Variants in PTPRN2 observed in about 807,000 individuals in gnomAD.
PTPRN2 encodes the protein receptor-type tyrosine-protein phosphatase N2.
In PTPRN2, 74 loss-of-function variants were observed where a neutral mutation model predicts 118.8. The ratio of observed to expected loss-of-function variants is 0.62; its 90% CI spans 0.52 to 0.76. The LOEUF is 0.76. Among genes scored for constraint, PTPRN2 ranks in the 30% least tolerant of loss-of-function variants. The pLI is 0.00. For synonymous variants in PTPRN2, 641 were observed against 608.0 expected (o/e 1.05, Z -0.80); for missense variants, 1,481 against 1,394.4 (o/e 1.06, Z -0.99).
intron 1 of PTPRN2, among the ~76,000 whole-genome samples, chr7:158,578,637 G>A (rs1398118807): frequency 1.3e-5 from 2 of 151,800 alleles, no homozygotes; most frequent in Non-Finnish European, 2.9e-5. Flanking sequence ...TGATGATCCT[G>A]TCACCCAAAC....
rs1296892277 is a variant in PTPRN2 at position 157,734,165 on chromosome 7, T to C, written c.1789-51228A>G. On this transcript the variant is annotated intron_variant, in intron 12 of 22. Transcript: ENST00000389418. ...CAGGCGCCCAGCACAGTTACTCTTT[T>C]CCACCCCATGCACCCAGCACAGTTA... Among the ~76,000 whole-genome samples the C allele has an allele frequency of 9.5e-5, 10 of 104,980 alleles. 2 individuals are homozygous for C. Among genetic ancestry groups the C allele is most frequent in the African/African-American group, 1.3e-4 (3 of 22,924 alleles). 68.9% of individuals were successfully genotyped at this position (104,980 alleles called of 152,430 possible).
At chr7:157,540,889 ACGCAGCATCAGCTCCCCGGGCCAT>A in intron 22 of PTPRN2, 104 bp from the exon 23 acceptor site, 1 of 883,150 alleles carries the variant, frequency 1.1e-6, no homozygotes. Flanking sequence ...CCCCTTCCCA[ACGCAGCATCAGCTCCCCGGGCCAT>A]TTCGCAGAAA....
At position 158,188,003 on chromosome 7, in the gene PTPRN2, G is replaced by A. The variant is rs111896147; in HGVS notation, c.549+4324C>T. Among the ~76,000 whole-genome samples the A allele has an allele frequency of 1.3e-3, 202 of 152,242 alleles. 1 individual carries two copies. The highest frequency in any genetic ancestry group is 4.6e-3 in the African/African-American group (189 of 41,538). On this transcript the variant is annotated intron_variant, in intron 5 of 22. Transcript: ENST00000389418. ...CTTGAAATGGAGAGCAGGCAAGATG[G>A]GGGCAGTGGTGGAAGATGCTCCTCC...
chr7:158,128,004 G>T (rs1224778598), intron 9 of PTPRN2, among the ~76,000 whole-genome samples: 1 of 152,126 alleles, frequency 6.6e-6, no homozygotes, highest in Non-Finnish European at 1.5e-5. Flanking sequence ...TGGAAAAGCC[G>T]AGCCCTACCA....
chr7:158,251,787 T>C (rs1314753673), intron 3 of PTPRN2, among the ~76,000 whole-genome samples: 1 of 152,068 alleles, frequency 6.6e-6, no homozygotes, highest in Non-Finnish European at 1.5e-5. Flanking sequence ...TGTGTCCCCC[T>C]CATTACCTCA....
At chr7:158,190,044 T>A (rs544709601) in intron 5 of PTPRN2, among the ~76,000 whole-genome samples, 112 of 152,400 alleles carry the variant, frequency 7.3e-4, no homozygotes, top group African/African-American at 2.6e-3. Context: ...AGACCTCCAC[T>A]GAGCCTGGTT....
At chr7:158,457,113 C>A (rs1049433583) in intron 2 of PTPRN2, among the ~76,000 whole-genome samples, 9 of 152,188 alleles carry the variant, frequency 5.9e-5, no homozygotes, top group Admixed American at 3.9e-4. Context: ...TACGTCTACA[C>A]AGCAATGGCG....
intron 2 of PTPRN2, among the ~76,000 whole-genome samples, chr7:158,446,001 T>C (rs1466629095): frequency 6.6e-6 from 1 of 151,904 alleles, no homozygotes; most frequent in African/African-American, 2.4e-5. Flanking sequence ...GGCGCCCAGG[T>C]GAGCCTTCGG....
chr7:158,277,109 GCACA>G (rs373983324), intron 3 of PTPRN2, among the ~76,000 whole-genome samples: 10 of 148,268 alleles, frequency 6.7e-5, no homozygotes, highest in East Asian at 3.9e-4. Context: ...TCACACACGT[GCACA>G]CACACACACA....
chr7:158,485,584 TCCTGCTCGGCCACCCCTCTCTGCGCCCCG>T, intron 2 of PTPRN2, among the ~76,000 whole-genome samples: 1 of 80,316 alleles, frequency 1.2e-5, no homozygotes, highest in African/African-American at 4.8e-5. Flanking sequence ...TCTGCGCCCC[TCCTGCTCGGCCACCCCTCTCTGCGCCCCG>T]CCTGCTCGGC....
At chr7:158,156,396 C>T (rs188218608) in intron 6 of PTPRN2, among the ~76,000 whole-genome samples, 157 of 152,280 alleles carry the variant, frequency 1.0e-3, no homozygotes, top group Admixed American at 6.3e-3. Context: ...AACTGACGGA[C>T]GACAGGTAAC....
At chr7:158,327,540 C>T (rs910305198) in intron 2 of PTPRN2, among the ~76,000 whole-genome samples, 2 of 151,678 alleles carry the variant, frequency 1.3e-5, no homozygotes, top group Non-Finnish European at 2.9e-5. Flanking sequence ...TGCACATGTA[C>T]ACACTATCTG....
At chr7:158,280,069 C>G (rs1351748431) in intron 3 of PTPRN2, among the ~76,000 whole-genome samples, 8 of 152,138 alleles carry the variant, frequency 5.3e-5, no homozygotes, top group Non-Finnish European at 5.9e-5. Context: ...CAAACTGCAC[C>G]AAGACACAGC....
chr7:158,058,440 A>G (rs1349777154), intron 11 of PTPRN2, among the ~76,000 whole-genome samples: 9 of 109,782 alleles, frequency 8.2e-5, no homozygotes, highest in Non-Finnish European at 1.1e-4. Context: ...CCACGGTGAG[A>G]CATCACTGCA....
At chr7:157,667,073 A>G in intron 13 of PTPRN2, among the ~76,000 whole-genome samples, 1 of 104,274 alleles carries the variant, frequency 9.6e-6, no homozygotes, top group East Asian at 2.3e-4. Context: ...TGCAACGAGT[A>G]CACAGCCTGG....
rs1800313780 is a variant in PTPRN2, at chr7:157,944,071, C to T, written c.1724-45334G>A. 6.6e-6 allele frequency among the ~76,000 whole-genome samples: 1 copy of T among 152,208 alleles called. No individual in the cohort carries two copies. The highest frequency in any genetic ancestry group is 1.9e-4 in the East Asian group (1 of 5,200). ...GAGCACTGGGCTTCATTTGACATTT[C>T]CAGTAAGTATCAAAAGCTGCTATCA... On this transcript the variant is annotated intron_variant, in intron 11 of 22. Coordinates refer to ENST00000389418, the MANE Select transcript of PTPRN2 (RefSeq NM_002847.5). This position sits in a 1 kb window ranked among gnomAD's most constrained non-coding sequence, Gnocchi z 4.3.
chr7:158,390,074 C>T (rs961640018), intron 2 of PTPRN2, among the ~76,000 whole-genome samples: 4 of 152,236 alleles, frequency 2.6e-5, no homozygotes, highest in Non-Finnish European at 4.4e-5. Context: ...TACTCAGCTG[C>T]GTTTATTCAA....
intron 2 of PTPRN2, among the ~76,000 whole-genome samples, chr7:158,359,034 GGACTAT>G (rs989092259): frequency 1.3e-5 from 2 of 152,166 alleles, no homozygotes; most frequent in African/African-American, 4.8e-5. Flanking sequence ...TAAGGAGTCT[GGACTAT>G]GAGGTTGATG....
chr7:157,890,041 G>A (rs1198908965), intron 12 of PTPRN2, among the ~76,000 whole-genome samples: 1 of 151,168 alleles, frequency 6.6e-6, no homozygotes, highest in African/African-American at 2.4e-5. Flanking sequence ...TTAATGATGA[G>A]TTACCTTGCT....
Sources: allele counts gnomAD v4.1 joint callset (sites outside exome capture counted in the v4.1 genomes callset), GRCh38; gene constraint gnomAD v4.1.1; non-coding constraint Gnocchi (gnomAD v3.1); transcripts MANE v1.5; gene names NCBI Gene and HGNC (gene_info 2026-07-23, HGNC 2026-07-21).